Variants in FBN2 observed in about 807,000 individuals in gnomAD.
The protein encoded by FBN2 is fibrillin-2.
In FBN2, 105 loss-of-function variants were observed where a neutral mutation model predicts 355.6. That is an observed-to-expected ratio of 0.30 (90% CI 0.25 to 0.35). The LOEUF (loss-of-function observed/expected upper bound fraction) is 0.35. Among genes scored for constraint, FBN2 ranks in the 10% least tolerant of loss-of-function variants. The pLI is 1.00. For synonymous variants in FBN2, 1,350 were observed against 1,301.2 expected, an observed-to-expected ratio of 1.04 and a Z score of -0.81; for missense variants, 3,280 against 3,758.7, an observed-to-expected ratio of 0.87 and a Z score of 3.33.
At position 128,520,430 on chromosome 5, in the gene FBN2, C is replaced by T. The variant is rs989532663; in HGVS notation, c.533-1062G>A. Among the ~76,000 whole-genome samples the T allele has an allele frequency of 2.7e-4, 41 of 152,178 alleles. 1 individual carries two copies. Among genetic ancestry groups the T allele is most frequent in the Non-Finnish European group, 5.9e-5 (4 of 68,034 alleles). ...CACAAATGAATTAGAGGATTATATT[C>T]TATGACCTGTGTCCACAAATGGAGT... On this transcript the variant is annotated intron_variant, in intron 4 of 64. Coordinates refer to ENST00000262464, the MANE Select transcript of FBN2 (RefSeq NM_001999.4).
intron 7 of FBN2, 46 bp downstream of exon 7, chr5:128,446,435 C>T (rs1754064894): frequency 6.2e-7 from 1 of 1,603,468 alleles, no homozygotes; most frequent in Non-Finnish European, 8.5e-7. Flanking sequence ...GTTTTTCTTG[C>T]ATTAAAGTCA....
Position 128,395,230 on chromosome 5 carries a change from A to T in FBN2, c.1123T>A (p.Cys375Ser), listed in dbSNP as rs771054241. 6.2e-7 allele frequency: 1 copy of T among 1,614,142 alleles called. No homozygotes were observed. Among genetic ancestry groups the T allele is most frequent in the East Asian group, 2.2e-5 (1 of 44,872 alleles). The stretch of plus-strand genomic sequence containing the variant: ...ATTCTCCCCGGGAGCTCTTGTGCAC[A>T]GCGGCCATTCACCAGGCCCGAGAAA... The part of the protein sequence containing the change: ...MCFSGLVNGR[C>S]AQELPGRMTK... Residue 375 changes from cysteine to serine, a missense_variant, in exon 9 of 65, where the codon TGT (cysteine) becomes AGT (serine). Cys to Ser is a moderately radical substitution (Grantham distance 112). Around this residue, in one of 6 missense-constraint regions of FBN2, gnomAD observed 343 missense variants for 331.0 expected, o/e 1.04. Transcript: ENST00000262464.
intron 55 of FBN2, among the ~76,000 whole-genome samples, chr5:128,282,323 T>A (rs939539984): frequency 1.3e-5 from 2 of 152,156 alleles, no homozygotes; most frequent in Admixed American, 1.3e-4. Flanking sequence ...AGTAATGAGT[T>A]ATGAATTAAA....
chr5:128,269,974 A>G (rs1240572189), intron 62 of FBN2, among the ~76,000 whole-genome samples: 2 of 152,194 alleles, frequency 1.3e-5, no homozygotes, highest in Non-Finnish European at 2.9e-5. Context: ...CCAAAACAAC[A>G]TGGTGCTGGT....
intron 5 of FBN2, among the ~76,000 whole-genome samples, chr5:128,492,803 CAAAAAAAAAAAAAAA>C (rs578258680): frequency 2.3e-5 from 1 of 43,776 alleles, no homozygotes; most frequent in African/African-American, 5.6e-5. Flanking sequence ...AACTCCATCT[CAAAAAAAAAAAAAAA>C]AAAAAAAAAA....
At chr5:128,345,163 T>C (rs1215056411) in intron 24 of FBN2, among the ~76,000 whole-genome samples, 194 bp downstream of exon 24, 1 of 152,254 alleles carries the variant, frequency 6.6e-6, no homozygotes, top group African/African-American at 2.4e-5. Context: ...ATAAGCAATC[T>C]GTTTTATCTC....
intron 62 of FBN2, among the ~76,000 whole-genome samples, chr5:128,265,853 T>G (rs776406814): frequency 3.9e-5 from 6 of 152,206 alleles, no homozygotes; most frequent in Non-Finnish European, 8.8e-5. Context: ...GCAGGTTTAG[T>G]AACATCGTAG....
intron 11 of FBN2, among the ~76,000 whole-genome samples, chr5:128,384,475 G>C (rs895713355): frequency 3.9e-5 from 6 of 151,962 alleles, no homozygotes; most frequent in Non-Finnish European, 8.8e-5. Context: ...CCACAATAAA[G>C]CTAGTTTAAA....
intron 6 of FBN2, among the ~76,000 whole-genome samples, chr5:128,456,001 A>AC (rs1754379202): frequency 1.5e-5 from 2 of 135,452 alleles, no homozygotes; most frequent in Non-Finnish European, 3.1e-5. Flanking sequence ...AAAAAAAAAA[A>AC]AAAAAAAAAA....
intron 37 of FBN2, among the ~76,000 whole-genome samples, 160 bp downstream of exon 37, chr5:128,312,474 C>A (rs1163024655): frequency 1.3e-5 from 2 of 152,210 alleles, no homozygotes; most frequent in African/African-American, 4.8e-5. Flanking sequence ...AATCCTTTAA[C>A]ATTCTTGGCT....
intron 5 of FBN2, among the ~76,000 whole-genome samples, chr5:128,480,027 TATAC>T (rs1755133083): frequency 2.0e-5 from 2 of 98,612 alleles, no homozygotes; most frequent in Non-Finnish European, 2.0e-5. Flanking sequence ...TATATATGTA[TATAC>T]ACACACACAC....
Position 128,369,252 on chromosome 5 carries a change from G to A in FBN2, c.2178C>T (p.Ser726=), listed in dbSNP as rs573282381. 1.3e-5 allele frequency: 21 copies of A among 1,614,082 alleles called. No individual in the cohort carries two copies. The highest frequency in any genetic ancestry group is 1.2e-4 in the South Asian group (11 of 91,078). Residue 726 remains serine, a synonymous_variant, in exon 16 of 65, where the codon TCC becomes TCT. Coordinates refer to ENST00000262464, the MANE Select transcript of FBN2 (RefSeq NM_001999.4). The part of the protein sequence containing the change: ...VRPFPGAVTK[S]ECCCANPDYG... ...AGTCTGGATTGGCACAGCAGCATTC[G>A]GACTTGGTCACTGCACCGGGGAAAG...
At chr5:128,514,952 T>C (rs1756239836) in intron 5 of FBN2, among the ~76,000 whole-genome samples, 1 of 152,220 alleles carries the variant, frequency 6.6e-6, no homozygotes, top group Non-Finnish European at 1.5e-5. Flanking sequence ...TACCAGCTTG[T>C]TCTCGTCACC....
At chr5:128,353,919 C>A (rs1431599263) in intron 20 of FBN2, among the ~76,000 whole-genome samples, 3 of 152,084 alleles carry the variant, frequency 2.0e-5, no homozygotes, top group African/African-American at 7.2e-5. Context: ...AGCTACAAAT[C>A]CATTGATAGC....
At position 128,449,434 on chromosome 5, in the gene FBN2, TGTATAATTATATA is replaced by T. The variant is rs1754174558; in HGVS notation, c.827-2841_827-2829del. 3.6e-5 allele frequency among the ~76,000 whole-genome samples: 5 copies of T among 140,118 alleles called. No individual in the cohort carries two copies. The East Asian group carries it at 9.9e-4, about 28-fold the overall frequency. 91.9% of individuals were successfully genotyped at this position (140,118 alleles called of 152,430 possible). ...TATAGTATACTATATAATAGTATAC[TGTATAATTATATA>T]GTATACTATATAATAGTATACTATT... On this transcript the variant is annotated intron_variant, in intron 6 of 64. Coordinates refer to ENST00000262464, the MANE Select transcript of FBN2 (RefSeq NM_001999.4).
intron 18 of FBN2, among the ~76,000 whole-genome samples, chr5:128,363,112 A>G (rs1458678810): frequency 1.3e-5 from 2 of 152,090 alleles, no homozygotes; most frequent in African/African-American, 4.8e-5. Context: ...ATAGTGTAAT[A>G]TGTGTACAAA....
chr5:128,457,848 AAAAAAAC>A (rs1256460039), intron 6 of FBN2, among the ~76,000 whole-genome samples: 4 of 151,618 alleles, frequency 2.6e-5, no homozygotes, highest in African/African-American at 7.3e-5. Flanking sequence ...ACTGCAAAAA[AAAAAAAC>A]AAAAAACAAA....
intron 15 of FBN2, 89 bp downstream of exon 15, chr5:128,374,539 T>G: frequency 6.5e-7 from 1 of 1,539,288 alleles, no homozygotes. Flanking sequence ...CTTCTTATGG[T>G]GAATATTACT....
intron 34 of FBN2, among the ~76,000 whole-genome samples, chr5:128,324,671 G>A (rs618046): frequency 6.7e-6 from 1 of 149,968 alleles, no homozygotes; most frequent in South Asian, 2.1e-4. Context: ...AGCCTGGAGT[G>A]CAGTGGCGTG....
Sources: gnomAD v4.1 joint callset for allele counts (sites outside exome capture counted in the v4.1 genomes callset) on GRCh38, gnomAD v4.1.1 for gene constraint, gnomAD v4.1.1 regional missense constraint, MANE v1.5 for transcripts, NCBI Gene and HGNC (gene_info 2026-07-23, HGNC 2026-07-21) for gene names.